The following KLRD1 variants were observed in gnomAD, a reference collection of about 807,000 sequenced individuals.
KLRD1 encodes killer cell lectin like receptor D1.
Under a neutral mutation model 22.6 loss-of-function variants are expected in KLRD1, and 21 were observed. The observed-to-expected ratio is 0.93, with a 90% CI of 0.66 to 1.34. The LOEUF (loss-of-function observed/expected upper bound fraction) is 1.34. Ranked by LOEUF, KLRD1 falls within the 40% of genes most tolerant of loss-of-function variation. The pLI is 0.00. For synonymous variants in KLRD1, 59 were observed against 71.1 expected, an observed-to-expected ratio of 0.83 and a Z score of 0.85; for missense variants, 183 against 208.6, an observed-to-expected ratio of 0.88 and a Z score of 0.76.
intron 1 of KLRD1, among the ~76,000 whole-genome samples, chr12:10,255,760 G>T (rs1949389422): frequency 6.6e-6 from 1 of 152,104 alleles, no homozygotes; most frequent in East Asian, 1.9e-4. Context: ...CATATAGTCT[G>T]TCCTGAAGAA....
At chr12:10,257,023 CCT>C (rs56322149) in intron 1 of KLRD1, among the ~76,000 whole-genome samples, 121,484 of 151,726 alleles carry the variant, frequency 0.8, 53,272 homozygotes, top group Non-Finnish European at 0.98. Context: ...AGATATACCA[CCT>C]CTCTGCCTTG....
At position 10,327,410 on chromosome 12, in the gene KLRD1, T is replaced by C. The variant is rs1291404307; in HGVS notation, c.*12617T>C. 6.6e-6 allele frequency: 1 copy of C among 152,218 alleles called. No homozygotes were observed. Among genetic ancestry groups the C allele is most frequent in the African/African-American group, 2.4e-5 (1 of 41,464 alleles). 9.4% of individuals were successfully genotyped at this position (152,218 alleles called of 1,614,324 possible). A position where few individuals can be genotyped will look rare whatever the true frequency, so the allele number is the denominator to read the frequency against. On this transcript the variant is annotated 3_prime_UTR_variant, in exon 6 of 6. Coordinates refer to ENST00000336164, the MANE Select transcript of KLRD1 (RefSeq NM_002262.5). The stretch of plus-strand genomic sequence containing the variant: ...TGGTTCCATGTATATTTTAGTATCA[T>C]TGTTTTCCTAATTCTAAAATGCCAT...
intron 1 of KLRD1, among the ~76,000 whole-genome samples, chr12:10,255,573 T>G (rs754594122): frequency 1.1e-4 from 16 of 152,180 alleles, no homozygotes; most frequent in Non-Finnish European, 2.1e-4. Flanking sequence ...TAATTTCCCT[T>G]GTATTTTTTC....
At chr12:10,312,813 A>C (rs112465335) in intron 4 of KLRD1, among the ~76,000 whole-genome samples, 4,558 of 151,084 alleles carry the variant, frequency 0.03, 137 homozygotes, top group Non-Finnish European at 0.045. Context: ...CGGTGAAACC[A>C]CGTCTCTACT....
At chr12:10,300,793 CAATT>C (rs1314320145), upstream of KLRD1, among the ~76,000 whole-genome samples, 1 of 152,214 alleles carries the variant, frequency 6.6e-6, no homozygotes, top group Admixed American at 6.5e-5. Flanking sequence ...CCACTTTCAT[CAATT>C]AGTTTTGCTA....
intron 1 of KLRD1, among the ~76,000 whole-genome samples, chr12:10,244,095 CTTG>C (rs1036693418): frequency 6.6e-6 from 1 of 152,058 alleles, no homozygotes; most frequent in Admixed American, 6.6e-5. Flanking sequence ...AAATAGGTCA[CTTG>C]TTGTTGGTCA....
At chr12:10,312,051 C>CTTTTTTTTTTTTTTTTTTTTT (rs71049085) in intron 4 of KLRD1, among the ~76,000 whole-genome samples, 1 of 123,198 alleles carries the variant, frequency 8.1e-6, no homozygotes, top group Non-Finnish European at 1.7e-5. Context: ...CTTTTCTTTT[C>CTTTTTTTTTTTTTTTTTTTTT]TTTTTTTTTT....
intron 1 of KLRD1, among the ~76,000 whole-genome samples, chr12:10,251,036 A>G (rs535119217): frequency 1.4e-4 from 22 of 152,314 alleles, no homozygotes; most frequent in Non-Finnish European, 3.1e-4. Context: ...AACTGGAGCT[A>G]ACATATGTTG....
chr12:10,309,670 A>G lies in KLRD1; in HGVS notation c.145A>G (p.Asn49Asp), dbSNP rs1200058946. The G allele has an allele frequency of 1.2e-6, 2 of 1,612,792 alleles. No individual in the cohort carries two copies. The highest frequency in any genetic ancestry group is 1.7e-6 in the Non-Finnish European group (2 of 1,178,948). ...SIEPAFTPGP[N>D]IELQKDSDCC... Reference sequence around the variant, plus strand: ...TGAGCCAGCATTTACTCCAGGACCCAACATAGAACTCCAGAAAGGTAGGTC... The same window carrying G: ...TGAGCCAGCATTTACTCCAGGACCCGACATAGAACTCCAGAAAGGTAGGTC... The change falls in exon 3 of 6, where the codon AAC becomes GAC. Residue 49 changes from asparagine to aspartate, a missense_variant. Physicochemically the swap from Asn to Asp is conservative, Grantham distance 23. Transcript: ENST00000336164.
At chr12:10,308,979 C>G (rs2537780) in intron 1 of KLRD1, 2,153 of 157,352 alleles carry the variant, frequency 0.014, 45 homozygotes, top group African/African-American at 0.049. Flanking sequence ...GTTTTCTCAT[C>G]TATGTAATGA....
upstream of KLRD1, among the ~76,000 whole-genome samples, chr12:10,299,780 G>A (rs7961687): frequency 0.57 from 86,459 of 152,038 alleles, 27,142 homozygotes; most frequent in Admixed American, 0.74. Context: ...ATGTGATGAT[G>A]TTTGAAGCAT....
chr12:10,250,989 G>A (rs1949341175), intron 1 of KLRD1, among the ~76,000 whole-genome samples: 1 of 152,142 alleles, frequency 6.6e-6, no homozygotes, highest in Admixed American at 6.5e-5. Context: ...ATTTAATGTA[G>A]TCATAATTTT....
chr12:10,321,081 G>A lies in KLRD1; in HGVS notation c.*6288G>A, dbSNP rs1372139598. 2 of 152,214 alleles carry A rather than the reference G, an allele frequency of 1.3e-5. No homozygotes were observed. Among genetic ancestry groups the A allele is most frequent in the Non-Finnish European group, 2.9e-5 (2 of 68,038 alleles). The allele number at this position is 152,214 out of a possible 1,614,324, so 9.4% of individuals were successfully genotyped here. ...CCTGTAAGGTGGATCCAAGAGTTAT[G>A]AAGAGTGATTTTATAAGCAGAAATA... On this transcript the variant is annotated 3_prime_UTR_variant, in exon 6 of 6. Coordinates refer to ENST00000336164, the MANE Select transcript of KLRD1 (RefSeq NM_002262.5).
chr12:10,305,889 A>G (rs3867486), upstream of KLRD1, among the ~76,000 whole-genome samples: 85,011 of 151,922 alleles, frequency 0.56, 24,688 homozygotes, highest in Middle Eastern at 0.68. Flanking sequence ...GAGGCCGGGC[A>G]CGGTGGCTCA....
rs901914800 is a variant in KLRD1 at position 10,322,964 on chromosome 12, G to A, written c.*8171G>A. ...TGTGGCTTCTGTTGCTAAGCATTACGTCTGTGAGATACATCCATATATTCG... is the reference window on the plus strand; with the variant it reads ...TGTGGCTTCTGTTGCTAAGCATTACATCTGTGAGATACATCCATATATTCG... On this transcript the variant is annotated 3_prime_UTR_variant, in exon 6 of 6. Coordinates refer to ENST00000336164, the MANE Select transcript of KLRD1 (RefSeq NM_002262.5). 7 of 152,140 alleles carry A rather than the reference G, an allele frequency of 4.6e-5. No homozygotes were observed. The highest frequency in any genetic ancestry group is 1.0e-4 in the Non-Finnish European group (7 of 68,030). The allele number at this position is 152,140 out of a possible 1,614,324, so 9.4% of individuals were successfully genotyped here. A position where few individuals can be genotyped will look rare whatever the true frequency, so the allele number is the denominator to read the frequency against.
intron 1 of KLRD1, among the ~76,000 whole-genome samples, chr12:10,259,593 T>G (rs1044653433): frequency 2.6e-5 from 4 of 152,234 alleles, no homozygotes; most frequent in Non-Finnish European, 4.4e-5. Context: ...TCATTTAGAC[T>G]TACATCTGTA....
chr12:10,255,118 A>ATCACTTG (rs1184121678), intron 1 of KLRD1, among the ~76,000 whole-genome samples: 6 of 132,410 alleles, frequency 4.5e-5, no homozygotes, highest in East Asian at 2.8e-4. Flanking sequence ...GATGCAGAGA[A>ATCACTTG]AAGGGAATAT....
chr12:10,286,400 C>T (rs1321179355), intron 1 of KLRD1, among the ~76,000 whole-genome samples: 1 of 152,174 alleles, frequency 6.6e-6, no homozygotes, highest in Admixed American at 6.5e-5. Context: ...TTAAACCATT[C>T]TCAGAACATA....
At chr12:10,264,958 C>T (rs1949486069) in intron 1 of KLRD1, among the ~76,000 whole-genome samples, 1 of 152,082 alleles carries the variant, frequency 6.6e-6, no homozygotes, top group Non-Finnish European at 1.5e-5. Context: ...GCAATACTTT[C>T]TGTGTCTGGC....
Sources: allele counts gnomAD v4.1 joint callset (sites outside exome capture counted in the v4.1 genomes callset), GRCh38; gene constraint gnomAD v4.1.1; transcripts MANE v1.5; gene names NCBI Gene and HGNC (gene_info 2026-07-23, HGNC 2026-07-21).